GAB1: variants seen among roughly 807,000 people sequenced by gnomAD.
GAB1 encodes GRB2 associated binding protein 1.
GAB1 carries 19 observed loss-of-function variants against 66.5 expected under a neutral mutation model. The observed-to-expected ratio is 0.29, with a 90% CI of 0.20 to 0.42. The LOEUF is 0.42. Among genes scored for constraint, GAB1 ranks in the 10% least tolerant of loss-of-function variants. GAB1 has a pLI of 1.00. For missense variants in GAB1, 732 were observed against 858.5 expected, an observed-to-expected ratio of 0.85 and a Z score of 1.84; for synonymous variants, 294 against 301.4, an observed-to-expected ratio of 0.98 and a Z score of 0.25.
rs1188434670 is a variant in GAB1 at position 143,466,249 on chromosome 4, T to C, written c.1926+24T>C. On this transcript the variant is annotated intron_variant, in intron 9 of 9. Transcript: ENST00000262994. ...AGGTGAGTGACATGTGACATGTCTC[T>C]TCTTTGTATACAGTTAGTTCACACT... 1.9e-6 allele frequency: 3 copies of C among 1,610,426 alleles called. No homozygotes were observed. The African/African-American group carries it at 4.0e-5, about 22-fold the overall frequency.
intron 2 of GAB1, among the ~76,000 whole-genome samples, chr4:143,416,042 A>G (rs1732663675): frequency 6.6e-6 from 1 of 152,188 alleles, no homozygotes; most frequent in African/African-American, 2.4e-5. Flanking sequence ...ACATTTATTG[A>G]ATTCCAATAT....
At chr4:143,403,920 A>T (rs1731908169) in intron 1 of GAB1, among the ~76,000 whole-genome samples, 1 of 152,248 alleles carries the variant, frequency 6.6e-6, no homozygotes, top group South Asian at 2.1e-4. Context: ...GAAGAAAATG[A>T]TATTTAAGCG....
chr4:143,391,659 T>C (rs1300996646), intron 1 of GAB1: 2 of 152,204 alleles, frequency 1.3e-5, no homozygotes, highest in African/African-American at 4.8e-5. Context: ...GGCTTTTCTT[T>C]TTAAAAGATA....
chr4:143,339,367 C>T (rs1015586367), intron 1 of GAB1, among the ~76,000 whole-genome samples: 3 of 152,162 alleles, frequency 2.0e-5, no homozygotes, highest in Non-Finnish European at 2.9e-5. Flanking sequence ...AAAAAATAGC[C>T]GGGCGTGGTG....
chr4:143,354,513 A>G (rs1000922368), intron 1 of GAB1, among the ~76,000 whole-genome samples: 1 of 152,140 alleles, frequency 6.6e-6, no homozygotes, highest in East Asian at 1.9e-4. Context: ...AGTTTAAAGT[A>G]TAGAGAAAAA....
intron 1 of GAB1, among the ~76,000 whole-genome samples, chr4:143,373,822 C>CCTCTCTCTCTCTCTCTCTCT (rs3049718): frequency 1.1e-4 from 11 of 97,862 alleles, no homozygotes; most frequent in Middle Eastern, 0.012. Flanking sequence ...GGAGTGAAAC[C>CCTCTCTCTCTCTCTCTCTCT]CTCTCTCTCT....
intron 1 of GAB1, among the ~76,000 whole-genome samples, chr4:143,371,534 G>C (rs1730120961): frequency 6.6e-6 from 1 of 151,636 alleles, no homozygotes; most frequent in African/African-American, 2.4e-5. Flanking sequence ...CTTTTGCTGT[G>C]CAGAAGCTCT....
At chr4:143,445,052 T>C (rs1430937669) in intron 6 of GAB1, among the ~76,000 whole-genome samples, 1 of 152,210 alleles carries the variant, frequency 6.6e-6, no homozygotes, top group African/African-American at 2.4e-5. Flanking sequence ...GCAGTGAACA[T>C]GCGAGTTCGT....
In GAB1 at chr4:143,473,044, A is replaced by T. The variant is rs1293499932; in HGVS notation, c.*3855A>T. 2.6e-5 allele frequency: 4 copies of T among 152,166 alleles called. No homozygotes were observed. The highest frequency in any genetic ancestry group is 5.9e-5 in the Non-Finnish European group (4 of 68,014). The allele number at this position is 152,166 out of a possible 1,614,324, so 9.4% of individuals were successfully genotyped here. ...AAATAGTTTCATTTGTCTTCTATAG[A>T]CTTAATTTTATTCCGGTTCAGTATA... On this transcript the variant is annotated 3_prime_UTR_variant, in exon 10 of 10. Coordinates refer to ENST00000262994, the MANE Select transcript of GAB1 (RefSeq NM_002039.4).
chr4:143,470,703 G>C lies in GAB1; in HGVS notation c.*1514G>C, dbSNP rs1318966545. On this transcript the variant is annotated 3_prime_UTR_variant, in exon 10 of 10. Transcript: ENST00000262994. ...TTTTGGAGGGGGCATAGAGAAAGGA[G>C]TGCCCACAGTTGAGGCATGACCCCC... 6.6e-6 allele frequency: 1 copy of C among 152,230 alleles called. No homozygotes were observed. The allele number at this position is 152,230 out of a possible 1,614,324, so 9.4% of individuals were successfully genotyped here.
At chr4:143,468,959 G>T in intron 9 of GAB1, 72 bp from the exon 10 acceptor site, 21 of 1,496,618 alleles carry the variant, frequency 1.4e-5, no homozygotes, top group African/African-American at 5.6e-5. Context: ...TGTGTTTTGT[G>T]TTTTAAGACT....
chr4:143,396,134 C>G, intron 1 of GAB1: 1 of 378,190 alleles, frequency 2.6e-6, no homozygotes, highest in East Asian at 7.4e-5. Flanking sequence ...AAACTTGACC[C>G]TAGGAGCATT....
chr4:143,438,635 T>C (rs1341999590), intron 4 of GAB1, 35 bp downstream of exon 4: 1 of 1,572,726 alleles, frequency 6.4e-7, no homozygotes, highest in Non-Finnish European at 8.6e-7. Context: ...TATTAGAGGT[T>C]AATGATAGAA....
At chr4:143,397,677 A>G (rs959152958) in intron 1 of GAB1, among the ~76,000 whole-genome samples, 3 of 152,230 alleles carry the variant, frequency 2.0e-5, no homozygotes, top group African/African-American at 7.2e-5. Flanking sequence ...ATACTTTGGC[A>G]GTAAAACAGA....
At chr4:143,370,426 C>T (rs989903055) in intron 1 of GAB1, among the ~76,000 whole-genome samples, 1 of 151,990 alleles carries the variant, frequency 6.6e-6, no homozygotes, top group Non-Finnish European at 1.5e-5. Context: ...CAGTCCTTGA[C>T]AGATCAGACT....
chr4:143,462,720 G>A (rs1378285796), intron 8 of GAB1, among the ~76,000 whole-genome samples: 1 of 151,954 alleles, frequency 6.6e-6, no homozygotes, highest in Admixed American at 6.6e-5. Context: ...GAATGCAGTA[G>A]CGCGATCTCA....
chr4:143,471,398 C>G lies in GAB1; in HGVS notation c.*2209C>G, dbSNP rs967851627. 1.1e-4 allele frequency: 16 copies of G among 152,238 alleles called. No homozygotes were observed. Among genetic ancestry groups the G allele is most frequent in the African/African-American group, 3.8e-4 (16 of 41,572 alleles). 9.4% of individuals were successfully genotyped at this position (152,238 alleles called of 1,614,324 possible). ...ATTAAATTAAAAGTTTCTTACAGAG[C>G]AGTATTTTCCAAACATTTTTAGCAC... On this transcript the variant is annotated 3_prime_UTR_variant, in exon 10 of 10. Transcript: ENST00000262994.
intron 1 of GAB1, among the ~76,000 whole-genome samples, chr4:143,338,020 AT>A (rs1728717652): frequency 6.6e-6 from 1 of 152,092 alleles, no homozygotes; most frequent in Non-Finnish European, 1.5e-5. Flanking sequence ...GCCAGAAGGG[AT>A]TTCAGTTGCG....
chr4:143,449,779 A>C (rs1258786073), intron 6 of GAB1, among the ~76,000 whole-genome samples: 1 of 151,840 alleles, frequency 6.6e-6, no homozygotes, highest in African/African-American at 2.4e-5. Flanking sequence ...TGGAGCATTT[A>C]GTCCATTTAC....
Sources: allele counts gnomAD v4.1 joint callset (sites outside exome capture counted in the v4.1 genomes callset), GRCh38; gene constraint gnomAD v4.1.1; transcripts MANE v1.5; gene names NCBI Gene and HGNC (gene_info 2026-07-23, HGNC 2026-07-21).